The following OR9Q1 variants were observed in gnomAD, a reference collection of about 807,000 sequenced individuals.
The protein encoded by OR9Q1 is olfactory receptor family 9 subfamily Q member 1.
For missense variants in OR9Q1, 374 were observed against 378.8 expected, an observed-to-expected ratio of 0.99 and a Z score of 0.11; for synonymous variants, 153 against 148.6, an observed-to-expected ratio of 1.03 and a Z score of -0.22.
At chr11:58,116,930 A>G (rs1234440965) in intron 2 of OR9Q1, 1 of 152,250 alleles carries the variant, frequency 6.6e-6, no homozygotes, top group East Asian at 1.9e-4. Context: ...ATTCTTGACT[A>G]TGTGGGATAT....
chr11:58,070,368 CT>C (rs1224815815), intron 2 of OR9Q1, among the ~76,000 whole-genome samples: 3 of 152,004 alleles, frequency 2.0e-5, no homozygotes, highest in Admixed American at 6.6e-5. Flanking sequence ...GTACATTATA[CT>C]TTTCCCCCCT....
chr11:58,065,992 G>C (rs1259941125), intron 2 of OR9Q1, among the ~76,000 whole-genome samples: 1 of 152,174 alleles, frequency 6.6e-6, no homozygotes, highest in Non-Finnish European at 1.5e-5. Flanking sequence ...AACTCACGGA[G>C]AGGGGCGCTG....
At chr11:58,065,129 G>C (rs1464360654) in intron 2 of OR9Q1, among the ~76,000 whole-genome samples, 1 of 152,060 alleles carries the variant, frequency 6.6e-6, no homozygotes, top group East Asian at 1.9e-4. Context: ...GCTATGGAGT[G>C]GACGGGACAC....
chr11:58,100,087 C>T (rs373353794), intron 2 of OR9Q1, among the ~76,000 whole-genome samples: 7 of 152,272 alleles, frequency 4.6e-5, no homozygotes, highest in South Asian at 2.1e-4. Flanking sequence ...GGCTCTCCCA[C>T]GCCAGGTAGT....
At chr11:58,024,262 G>C (rs1168949005) in intron 1 of OR9Q1, among the ~76,000 whole-genome samples, 158 bp downstream of exon 1, 1 of 152,152 alleles carries the variant, frequency 6.6e-6, no homozygotes, top group Non-Finnish European at 1.5e-5. Context: ...TCAGAGAGCA[G>C]GTCTCCGGGC....
chr11:58,139,808 A>T, intron 2 of OR9Q1, among the ~76,000 whole-genome samples: 1 of 151,716 alleles, frequency 6.6e-6, no homozygotes, highest in Non-Finnish European at 1.5e-5. Flanking sequence ...CAGTAATGGG[A>T]TGGCTGGGTC....
chr11:58,046,029 G>A (rs1241752689), intron 1 of OR9Q1, among the ~76,000 whole-genome samples: 1 of 152,218 alleles, frequency 6.6e-6, no homozygotes, highest in African/African-American at 2.4e-5. Context: ...ATCACTCCAA[G>A]TTGGGAGCAA....
chr11:58,084,040 G>A (rs966002687), intron 2 of OR9Q1, among the ~76,000 whole-genome samples: 2 of 151,830 alleles, frequency 1.3e-5, no homozygotes, highest in African/African-American at 2.4e-5. Flanking sequence ...TCTGTAGATC[G>A]CTTTGGGCTG....
At chr11:58,121,262 A>G (rs1854029604) in intron 2 of OR9Q1, among the ~76,000 whole-genome samples, 1 of 152,196 alleles carries the variant, frequency 6.6e-6, no homozygotes, top group Non-Finnish European at 1.5e-5. Context: ...TCCTGTTGCC[A>G]TATGGTACAG....
At chr11:58,048,669 T>TA (rs369007273) in intron 1 of OR9Q1, among the ~76,000 whole-genome samples, 58 of 103,972 alleles carry the variant, frequency 5.6e-4, no homozygotes, top group East Asian at 1.6e-3. Flanking sequence ...GACTCCATCT[T>TA]AAAAAAAAAA....
In OR9Q1 at chr11:58,180,411, C is replaced by T; in HGVS notation, c.*34C>T. Reference sequence around the variant, plus strand: ...AAACTTGGAAAATCCCGAGAACCACCTACTCTGTAGTGTCAGAATTCTGGA... The same window carrying T: ...AAACTTGGAAAATCCCGAGAACCACTTACTCTGTAGTGTCAGAATTCTGGA... On this transcript the variant is annotated 3_prime_UTR_variant, in exon 3 of 3. Transcript: ENST00000335397. 1 of 1,389,356 alleles carries T rather than the reference C, an allele frequency of 7.2e-7. No individual in the cohort carries two copies. The highest frequency in any genetic ancestry group is 9.9e-7 in the Non-Finnish European group (1 of 1,007,538). The allele number at this position is 1,389,356 out of a possible 1,614,324, so 86.1% of individuals were successfully genotyped here.
chr11:58,024,560 T>G (rs1403680116), intron 1 of OR9Q1, among the ~76,000 whole-genome samples: 2 of 152,158 alleles, frequency 1.3e-5, no homozygotes, highest in Non-Finnish European at 2.9e-5. Context: ...AAACTGTTTT[T>G]CCATATTTGT....
At chr11:58,048,510 A>C (rs1853242703) in intron 1 of OR9Q1, among the ~76,000 whole-genome samples, 1 of 151,106 alleles carries the variant, frequency 6.6e-6, no homozygotes, top group African/African-American at 2.4e-5. Context: ...AAAAAAAAAA[A>C]AAATAGCCGG....
At chr11:58,042,107 G>T (rs552636883) in intron 1 of OR9Q1, among the ~76,000 whole-genome samples, 1 of 152,074 alleles carries the variant, frequency 6.6e-6, no homozygotes, top group Non-Finnish European at 1.5e-5. Flanking sequence ...TTTTTAAACC[G>T]TGCTACCCTT....
intron 2 of OR9Q1, among the ~76,000 whole-genome samples, chr11:58,084,765 C>T (rs1853619315): frequency 6.6e-6 from 1 of 151,754 alleles, no homozygotes; most frequent in Non-Finnish European, 1.5e-5. Context: ...AAACCCTCGA[C>T]AGACTAGGCA....
chr11:58,161,086 G>A (rs1334159495), intron 2 of OR9Q1, among the ~76,000 whole-genome samples: 6 of 151,478 alleles, frequency 4.0e-5, no homozygotes, highest in Admixed American at 3.9e-4. Flanking sequence ...ACACACTGGG[G>A]GCCTGTCTGG....
At chr11:58,118,777 T>C (rs1378271017) in intron 2 of OR9Q1, 1 of 1,613,970 alleles carries the variant, frequency 6.2e-7, no homozygotes, top group Non-Finnish European at 8.5e-7. Flanking sequence ...CAAAATGGTC[T>C]TGATGATGAG....
rs901883537 is a variant in OR9Q1 at position 58,180,742 on chromosome 11, C to T, written c.*365C>T. 1.1e-5 allele frequency: 2 copies of T among 182,508 alleles called. No homozygotes were observed. The highest frequency in any genetic ancestry group is 2.6e-5 in the Non-Finnish European group (2 of 77,714). 11.3% of individuals were successfully genotyped at this position (182,508 alleles called of 1,614,324 possible). A position where few individuals can be genotyped will look rare whatever the true frequency, so the allele number is the denominator to read the frequency against. On this transcript the variant is annotated 3_prime_UTR_variant, in exon 3 of 3. Coordinates refer to ENST00000335397, the MANE Select transcript of OR9Q1 (RefSeq NM_001005212.4). ...TTAAAAATAATATGTAGGAAGTTTC[C>T]TATACTCAGTACTGAGATTGTGTAA...
At chr11:58,108,916 A>G (rs903217416) in intron 2 of OR9Q1, 2 of 366,198 alleles carry the variant, frequency 5.5e-6, no homozygotes, top group South Asian at 4.1e-5. Flanking sequence ...AAAGAAGAGG[A>G]CAACAGTGGT....
Sources: gnomAD v4.1 joint callset for allele counts (sites outside exome capture counted in the v4.1 genomes callset) on GRCh38, gnomAD v4.1.1 for gene constraint, MANE v1.5 for transcripts, NCBI Gene and HGNC (gene_info 2026-07-23, HGNC 2026-07-21) for gene names.